Variants in PPM1B observed in about 807,000 individuals in gnomAD.
The protein encoded by PPM1B is protein phosphatase, Mg2+/Mn2+ dependent 1B.
A neutral mutation model predicts 43.0 loss-of-function variants in PPM1B; 22 were observed. The ratio of observed to expected loss-of-function variants is 0.51; its 90% confidence interval spans 0.37 to 0.73. The LOEUF (loss-of-function observed/expected upper bound fraction) is 0.73. Among genes scored for constraint, PPM1B ranks in the 30% least tolerant of loss-of-function variants. The pLI is 0.00. For missense variants in PPM1B, 632 were observed against 584.2 expected (o/e 1.08, Z -0.84); for synonymous variants, 217 against 197.9 (o/e 1.10, Z -0.81).
chr2:44,230,566 G>C lies in PPM1B; in HGVS notation c.1288G>C (p.Ala430Pro). The change falls in exon 6 of 6, where the codon GCT becomes CCT. Residue 430 changes from alanine to proline, a missense_variant. Coordinates refer to ENST00000282412, the MANE Select transcript of PPM1B (RefSeq NM_002706.6). The stretch of plus-strand genomic sequence containing the variant: ...TAAAGTAGAGGGAGAAGAAAGCCCT[G>C]CTGAACCAGCTGCCACAGCTACTTC... ...LAKVEGEESP[A>P]EPAATATSSN... The C allele has an allele frequency of 6.2e-7, 1 of 1,614,168 alleles. No homozygotes were observed. The highest frequency in any genetic ancestry group is 1.3e-5 in the African/African-American group (1 of 75,048).
intron 5 of PPM1B, among the ~76,000 whole-genome samples, chr2:44,240,497 C>G (rs1670721551): frequency 6.9e-6 from 1 of 144,866 alleles, no homozygotes; most frequent in South Asian, 2.4e-4. Flanking sequence ...TAGATTCTGT[C>G]TTATTTAAAA....
At chr2:44,188,786 C>T (rs1668256912) in intron 1 of PPM1B, among the ~76,000 whole-genome samples, 1 of 147,842 alleles carries the variant, frequency 6.8e-6, no homozygotes, top group Admixed American at 6.8e-5. Context: ...TTCCTTCCCT[C>T]CTTCCCTCCC....
chr2:44,231,687 A>G (rs1195549838), downstream of PPM1B, among the ~76,000 whole-genome samples: 2 of 152,136 alleles, frequency 1.3e-5, no homozygotes, highest in Non-Finnish European at 2.9e-5. Context: ...TGTGGTACAA[A>G]ATATTAATCT....
downstream of PPM1B, among the ~76,000 whole-genome samples, chr2:44,236,961 T>C (rs150056257): frequency 2.3e-3 from 347 of 152,320 alleles, 3 homozygotes; most frequent in African/African-American, 8.0e-3. Flanking sequence ...GTGATGTTTT[T>C]CACATATTAG....
chr2:44,216,753 C>G (rs1669736972), intron 3 of PPM1B, among the ~76,000 whole-genome samples: 2 of 152,030 alleles, frequency 1.3e-5, no homozygotes, highest in Non-Finnish European at 2.9e-5. Flanking sequence ...TGGTGAAACC[C>G]CATCTCTACT....
chr2:44,232,131 C>G (rs920264607), downstream of PPM1B, among the ~76,000 whole-genome samples: 1 of 152,172 alleles, frequency 6.6e-6, no homozygotes, highest in Non-Finnish European at 1.5e-5. Context: ...ACCCAGTTAT[C>G]TATCCATATT....
At chr2:44,209,183 T>C (rs758594097) in intron 2 of PPM1B, 27 bp from the exon 3 acceptor site, 8 of 1,517,176 alleles carry the variant, frequency 5.3e-6, no homozygotes, top group Non-Finnish European at 7.1e-6. Flanking sequence ...AATACAATTT[T>C]TTTTCTTTTT....
intron 3 of PPM1B, 183 bp from the exon 4 acceptor site, chr2:44,217,784 A>G: frequency 2.5e-6 from 1 of 405,966 alleles, no homozygotes; most frequent in South Asian, 8.5e-5. Flanking sequence ...TTCCCCCTGC[A>G]TAGCAATGTT....
intron 1 of PPM1B, among the ~76,000 whole-genome samples, chr2:44,195,487 A>T (rs186191147): frequency 3.9e-5 from 6 of 152,170 alleles, no homozygotes; most frequent in Non-Finnish European, 7.4e-5. Context: ...CTTGGATTCC[A>T]GGCATGAGCC....
At chr2:44,207,982 G>A (rs570977823) in intron 2 of PPM1B, among the ~76,000 whole-genome samples, 15 of 148,604 alleles carry the variant, frequency 1.0e-4, no homozygotes, top group Middle Eastern at 3.5e-3. Context: ...TCCACCTCCC[G>A]GGTTCAAGTG....
downstream of PPM1B, among the ~76,000 whole-genome samples, chr2:44,237,487 T>G (rs898546147): frequency 6.6e-6 from 1 of 152,232 alleles, no homozygotes; most frequent in African/African-American, 2.4e-5. Flanking sequence ...CAGATGTAAC[T>G]GGCAGATATG....
chr2:44,201,124 G>A lies in PPM1B; in HGVS notation c.-14-62G>A. On this transcript the variant is annotated intron_variant, in intron 1 of 5. Transcript: ENST00000282412. The surrounding 1 kb of genome is among the most constrained non-coding windows in gnomAD (Gnocchi z 5.4). ...GGTAGGAGTTACTAGACTATAGAGG[G>A]AATATTGTACATACATTTTCTGTCA... 6.9e-7 allele frequency: 1 copy of A among 1,448,668 alleles called. No individual in the cohort carries two copies. The highest frequency in any genetic ancestry group is 9.3e-7 in the Non-Finnish European group (1 of 1,072,904). The allele number at this position is 1,448,668 out of a possible 1,614,324, so 89.7% of individuals were successfully genotyped here. A position where few individuals can be genotyped will look rare whatever the true frequency, so the allele number is the denominator to read the frequency against.
chr2:44,206,173 A>G (rs1314562637), intron 2 of PPM1B, among the ~76,000 whole-genome samples: 1 of 152,222 alleles, frequency 6.6e-6, no homozygotes, highest in Non-Finnish European at 1.5e-5. Flanking sequence ...AGAACATGTA[A>G]TAATCAATTT....
At chr2:44,194,756 A>G (rs1668577441) in intron 1 of PPM1B, among the ~76,000 whole-genome samples, 1 of 152,276 alleles carries the variant, frequency 6.6e-6, no homozygotes, top group East Asian at 1.9e-4. Flanking sequence ...GGCTGAGCAT[A>G]TCAGCATTCA....
intron 1 of PPM1B, among the ~76,000 whole-genome samples, chr2:44,188,223 TC>T (rs1274558810): frequency 6.6e-6 from 1 of 152,160 alleles, no homozygotes; most frequent in East Asian, 1.9e-4. Flanking sequence ...TGTACTATGT[TC>T]CATTTGTTAA....
Position 44,241,857 on chromosome 2 carries a change from CTTTTTT to C in PPM1B, n.1547-2357_1547-2352del, listed in dbSNP as rs397984437. ...GTTATAATAAGTATTAGAAAATAAT[CTTTTTT>C]TTTTTTTTTTTTTGAGACGGAGTCT... is the stretch of plus-strand genomic sequence containing the variant. On this transcript the variant is annotated intron_variant and non_coding_transcript_variant, in intron 5 of 5. Coordinates refer to the PPM1B transcript ENST00000378540. Among the ~76,000 whole-genome samples, 107 of 90,956 alleles carry C rather than the reference CTTTTTT, an allele frequency of 1.2e-3. 2 individuals carry two copies. Among genetic ancestry groups the C allele is most frequent in the African/African-American group, 4.3e-3 (94 of 22,002 alleles). 59.7% of individuals were successfully genotyped at this position (90,956 alleles called of 152,430 possible).
intron 5 of PPM1B, among the ~76,000 whole-genome samples, chr2:44,241,350 T>C (rs766594946): frequency 6.9e-6 from 1 of 145,004 alleles, no homozygotes; most frequent in Non-Finnish European, 1.5e-5. Flanking sequence ...CATCATGGCA[T>C]AGTTGCACCA....
intron 1 of PPM1B, among the ~76,000 whole-genome samples, chr2:44,193,251 T>A (rs973202371): frequency 1.3e-5 from 2 of 152,222 alleles, no homozygotes; most frequent in Non-Finnish European, 2.9e-5. Context: ...TAATAGCCAT[T>A]CTGACAGGTG....
At position 44,230,699 on chromosome 2, in the gene PPM1B, T is replaced by G; in HGVS notation, c.1421T>G (p.Met474Arg). The G allele has an allele frequency of 2.5e-6, 4 of 1,607,454 alleles. No homozygotes were observed. Among genetic ancestry groups the G allele is most frequent in the Non-Finnish European group, 3.4e-6 (4 of 1,175,314 alleles). Residue 474 changes from methionine (M) to arginine (R), a missense_variant, in exon 6 of 6, where the codon ATG becomes AGG. Transcript: ENST00000282412. ...TCTAATGAAGATGCAGGGACAAAGA[T>G]GAGTGGTGAAAAAATATGACTTTCC... The part of the protein sequence containing the change: ...DSSNEDAGTK[M>R]SGEKI
Sources: gnomAD v4.1 joint callset for allele counts (sites outside exome capture counted in the v4.1 genomes callset) on GRCh38, gnomAD v4.1.1 for gene constraint, Gnocchi (gnomAD v3.1) non-coding constraint, MANE v1.5 for transcripts, NCBI Gene and HGNC (gene_info 2026-07-23, HGNC 2026-07-21) for gene names.